The following DNMT3A variants were observed in gnomAD, a reference collection of about 807,000 sequenced individuals.
DNMT3A encodes DNA methyltransferase 3 alpha, also known as DNA (cytosine-5)-methyltransferase 3A.
Under a neutral mutation model 117.6 loss-of-function variants are expected in DNMT3A, and 267 were observed. The ratio of observed to expected loss-of-function variants is 2.27; its 90% CI spans 2.05 to 2.51. The LOEUF (loss-of-function observed/expected upper bound fraction) is 2.51. Among genes scored for constraint, DNMT3A ranks in the 30% most tolerant of loss-of-function variants. The pLI is 0.00. For missense variants in DNMT3A, 1,029 were observed against 1,260.2 expected, an observed-to-expected ratio of 0.82 and a Z score of 2.78; for synonymous variants, 432 against 474.8, an observed-to-expected ratio of 0.91 and a Z score of 1.17.
rs1255207968 is a variant in DNMT3A, at chr2:25,257,703, T to C, written c.640-9451A>G. Among the ~76,000 whole-genome samples, 4 of 152,142 alleles carry C rather than the reference T, an allele frequency of 2.6e-5. No individual in the cohort carries two copies. Among genetic ancestry groups the C allele is most frequent in the Admixed American group, 6.5e-5 (1 of 15,280 alleles). Reference sequence around the variant, plus strand: ...GAACCCCAGATTCACTTTGGTTTAATTGCATCTGGATCACCCAAGGAGGGC... The same window carrying C: ...GAACCCCAGATTCACTTTGGTTTAACTGCATCTGGATCACCCAAGGAGGGC... On this transcript the variant is annotated intron_variant, in intron 6 of 22. Coordinates refer to ENST00000321117, the MANE Select transcript of DNMT3A (RefSeq NM_022552.5). The surrounding 1 kb of genome is among the most constrained non-coding windows in gnomAD (Gnocchi z 4.8).
At chr2:25,245,441 C>G in intron 12 of DNMT3A, 109 bp from the exon 13 acceptor site, 2 of 1,020,806 alleles carry the variant, frequency 2.0e-6, no homozygotes, top group Non-Finnish European at 3.0e-6. Flanking sequence ...GCCAGAGCGG[C>G]AGCCAGAAAA....
rs62129120 is a variant in DNMT3A at position 25,230,649 on chromosome 2, G to A, written c.*3630C>T. ...AATACCTGTCCCCAGAGGCCCCAGC[G>A]TTGAGGTGGATTAAGCATATCTCAG... is the stretch of plus-strand genomic sequence containing the variant. On this transcript the variant is annotated 3_prime_UTR_variant, in exon 23 of 23. Transcript: ENST00000321117. The A allele has an allele frequency of 0.038, 5,763 of 152,536 alleles. 160 individuals are homozygous for A. Among genetic ancestry groups the A allele is most frequent in the Middle Eastern group, 0.068 (20 of 296 alleles). 9.4% of individuals were successfully genotyped at this position (152,536 alleles called of 1,614,324 possible). A position where few individuals can be genotyped will look rare whatever the true frequency, so the allele number is the denominator to read the frequency against.
chr2:25,307,327 C>T (rs539304369), intron 2 of DNMT3A, among the ~76,000 whole-genome samples: 8 of 152,110 alleles, frequency 5.3e-5, no homozygotes, highest in Admixed American at 3.3e-4. Flanking sequence ...CCACTCAGCT[C>T]TATTCTTTTT....
intron 2 of DNMT3A, among the ~76,000 whole-genome samples, chr2:25,308,631 G>A (rs1196973150): frequency 6.6e-6 from 1 of 151,722 alleles, no homozygotes; most frequent in Non-Finnish European, 1.5e-5. Context: ...AGGGTGCAGC[G>A]GCTTTTCTAT....
rs762744041 is a variant in DNMT3A, at chr2:25,311,486, G to C, written c.72+2427C>G. Among the ~76,000 whole-genome samples the C allele has an allele frequency of 6.6e-6, 1 of 152,180 alleles. No homozygotes were observed. The highest frequency in any genetic ancestry group is 1.5e-5 in the Non-Finnish European group (1 of 68,026). On this transcript the variant is annotated intron_variant, in intron 2 of 22. Transcript: ENST00000321117. This position sits in a 1 kb window ranked among gnomAD's most constrained non-coding sequence, Gnocchi z 5.2. ...TGCGTGGTGTAGGTGTGGGCGGCTGGGGAGGAGGCCTGGCTATGGCCCAGC... is the reference window on the plus strand; with the variant it reads ...TGCGTGGTGTAGGTGTGGGCGGCTGCGGAGGAGGCCTGGCTATGGCCCAGC...
rs1227536361 is a variant in DNMT3A, at chr2:25,228,463, G to A, written c.*5816C>T. 6.6e-6 allele frequency: 1 copy of A among 151,804 alleles called. No homozygotes were observed. Among genetic ancestry groups the A allele is most frequent in the Non-Finnish European group, 1.5e-5 (1 of 67,986 alleles). 9.4% of individuals were successfully genotyped at this position (151,804 alleles called of 1,614,324 possible). On this transcript the variant is annotated 3_prime_UTR_variant, in exon 23 of 23. Transcript: ENST00000321117. ...TAAAAGTTATTACCAAATCAGCTACGGAGTTTATTCTTCAGTATGAATACA... is the reference window on the plus strand; with the variant it reads ...TAAAAGTTATTACCAAATCAGCTACAGAGTTTATTCTTCAGTATGAATACA...
chr2:25,248,112 G>A lies in DNMT3A; in HGVS notation c.780C>T (p.Thr260=). The change falls in exon 7 of 23, where the codon ACC becomes ACT. Residue 260 remains threonine (T), a synonymous_variant. Coordinates refer to ENST00000321117, the MANE Select transcript of DNMT3A (RefSeq NM_022552.5). ...PTDPASPTVA[T]TPEPVGSDAG... is the part of the protein sequence containing the mutation. The stretch of plus-strand genomic sequence containing the variant: ...CATCGGACCCCACGGGCTCAGGCGT[G>A]GTAGCCACAGTGGGGGATGCGGGGT... 6.2e-7 allele frequency: 1 copy of A among 1,613,560 alleles called. No homozygotes were observed.
At chr2:25,244,083 C>G in intron 15 of DNMT3A, 72 bp downstream of exon 15, 1 of 1,602,560 alleles carries the variant, frequency 6.2e-7, no homozygotes, top group South Asian at 1.1e-5. Flanking sequence ...ACACACCCTG[C>G]GCACAGCTCA....
rs1037923677 is a variant in DNMT3A, at chr2:25,298,061, G to A, written c.177+2078C>T. Among the ~76,000 whole-genome samples, 18 of 152,374 alleles carry A rather than the reference G, an allele frequency of 1.2e-4. No homozygotes were observed. Among genetic ancestry groups the A allele is most frequent in the Admixed American group, 4.6e-4 (7 of 15,308 alleles). ...GCCCGACCTTTGCTGAGGCTCCTTG[G>A]TGCTTGCACCATTTCGTTCTCACAG... On this transcript the variant is annotated intron_variant, in intron 3 of 22. Transcript: ENST00000321117. The surrounding 1 kb of genome is among the most constrained non-coding windows in gnomAD (Gnocchi z 4.3).
chr2:25,310,996 T>G (rs2149424131), intron 2 of DNMT3A, among the ~76,000 whole-genome samples: 2 of 152,264 alleles, frequency 1.3e-5, no homozygotes, highest in South Asian at 4.1e-4. Flanking sequence ...CTTTGAGGCT[T>G]TGACCAGGGA....
chr2:25,250,834 A>G (rs1035129196), intron 6 of DNMT3A, among the ~76,000 whole-genome samples: 6 of 152,156 alleles, frequency 3.9e-5, no homozygotes, highest in Admixed American at 2.0e-4. Flanking sequence ...GGGAAGGGGA[A>G]AGGACCCGCT....
At position 25,290,320 on chromosome 2, in the gene DNMT3A, A is replaced by ATTTTTT. The variant is rs1249490029; in HGVS notation, c.178-7615_178-7610dup. 7.2e-3 allele frequency among the ~76,000 whole-genome samples: 912 copies of ATTTTTT among 126,452 alleles called. 23 individuals are homozygous for ATTTTTT. Among genetic ancestry groups the ATTTTTT allele is most frequent in the African/African-American group, 0.026 (870 of 32,934 alleles). The allele number at this position is 126,452 out of a possible 152,430, so 83.0% of individuals were successfully genotyped here. On this transcript the variant is annotated intron_variant, in intron 3 of 22. Coordinates refer to ENST00000321117, the MANE Select transcript of DNMT3A (RefSeq NM_022552.5). Reference sequence around the variant, plus strand: ...ACATCCAGCTAATTTTATGGAAGTGATTTTTTTTTTTTTTTTTTGAGACGC... The same window carrying ATTTTTT: ...ACATCCAGCTAATTTTATGGAAGTGATTTTTTTTTTTTTTTTTTTTTTTTGAGACGC...
intron 2 of DNMT3A, among the ~76,000 whole-genome samples, chr2:25,307,829 T>G (rs2033866654): frequency 6.6e-6 from 1 of 152,110 alleles, no homozygotes; most frequent in Admixed American, 6.5e-5. Context: ...ACTCACCTTA[T>G]CAGCAGGGCT....
chr2:25,262,053 G>A (rs1304274181), intron 6 of DNMT3A, among the ~76,000 whole-genome samples: 1 of 152,068 alleles, frequency 6.6e-6, no homozygotes, highest in Non-Finnish European at 1.5e-5. Context: ...AGCTGGGCAT[G>A]GCAGCACATG....
intron 3 of DNMT3A, among the ~76,000 whole-genome samples, chr2:25,285,839 A>G (rs2032271086): frequency 6.6e-6 from 1 of 152,172 alleles, no homozygotes; most frequent in South Asian, 2.1e-4. Context: ...AGGCTCAGTC[A>G]TGAGCCCCAG....
At chr2:25,313,096 C>T (rs2034206013) in intron 2 of DNMT3A, among the ~76,000 whole-genome samples, 1 of 152,188 alleles carries the variant, frequency 6.6e-6, no homozygotes, top group Non-Finnish European at 1.5e-5. Flanking sequence ...GAGGGCAACA[C>T]AGTCCAGTGC....
intron 4 of DNMT3A, 143 bp from the exon 5 acceptor site, chr2:25,275,686 G>T: frequency 1.1e-6 from 1 of 873,424 alleles, no homozygotes; most frequent in Non-Finnish European, 1.7e-6. Flanking sequence ...TGTTAAATAT[G>T]ATGGCCCACC....
Position 25,257,885 on chromosome 2 carries a change from G to C in DNMT3A, c.640-9633C>G, listed in dbSNP as rs541076567. 1.3e-5 allele frequency among the ~76,000 whole-genome samples: 2 copies of C among 152,308 alleles called. No individual in the cohort carries two copies. The highest frequency in any genetic ancestry group is 4.1e-4 in the South Asian group (2 of 4,830). On this transcript the variant is annotated intron_variant, in intron 6 of 22. Coordinates refer to ENST00000321117, the MANE Select transcript of DNMT3A (RefSeq NM_022552.5). The surrounding 1 kb of genome is among the most constrained non-coding windows in gnomAD (Gnocchi z 4.8). Reference sequence around the variant, plus strand: ...GTCTGTTACAAATGAGAACACTGAGGCCTAGAGAGGCCCGAGCCCACCTGA... The same window carrying C: ...GTCTGTTACAAATGAGAACACTGAGCCCTAGAGAGGCCCGAGCCCACCTGA...
At position 25,244,541 on chromosome 2, in the gene DNMT3A, T is replaced by C. The variant is rs770311493; in HGVS notation, c.1666A>G (p.Arg556Gly). The change falls in exon 14 of 23, where the codon AGG becomes GGG. Residue 556 changes from arginine (R) to glycine (G), a missense_variant and splice_region_variant. Coordinates refer to ENST00000321117, the MANE Select transcript of DNMT3A (RefSeq NM_022552.5). ...VLMCGNNNCC[R>G]CFCVECVDLL... ...CACTGGAGGCCACAACAGCCTCACCTGCAGCAGTTGTTGTTTCCGCACATG... is the reference window on the plus strand; with the variant it reads ...CACTGGAGGCCACAACAGCCTCACCCGCAGCAGTTGTTGTTTCCGCACATG... 1.2e-6 allele frequency: 2 copies of C among 1,614,110 alleles called. No individual in the cohort carries two copies. The highest frequency in any genetic ancestry group is 1.7e-6 in the Non-Finnish European group (2 of 1,179,968).
Sources: allele counts gnomAD v4.1 joint callset (sites outside exome capture counted in the v4.1 genomes callset), GRCh38; gene constraint gnomAD v4.1.1; non-coding constraint Gnocchi (gnomAD v3.1); transcripts MANE v1.5; gene names NCBI Gene and HGNC (gene_info 2026-07-23, HGNC 2026-07-21).